SLC16A1: variants seen among roughly 807,000 people sequenced by gnomAD.
SLC16A1 encodes the protein solute carrier family 16 member 1, also known as monocarboxylate transporter 1.
A neutral mutation model predicts 32.2 loss-of-function variants in SLC16A1; 11 were observed. The observed-to-expected ratio is 0.34, with a 90% CI of 0.21 to 0.56. The LOEUF is 0.56. SLC16A1 is among the 20% of genes least tolerant of loss of function. The pLI, the probability that SLC16A1 is intolerant of heterozygous loss-of-function variation, is 0.87. For synonymous variants in SLC16A1, 231 were observed against 226.8 expected (o/e 1.02, Z -0.17); for missense variants, 435 against 615.0 (o/e 0.71, Z 3.10).
chr1:112,929,378 A>G lies in SLC16A1; in HGVS notation c.-44-26T>C. On this transcript the variant is annotated intron_variant, in intron 1 of 4. Transcript: ENST00000369626. ...CTGAAAGACATAAAATTAAAATAGTATGTCAATATAAGGCACACCTATAAA... is the reference window on the plus strand; with the variant it reads ...CTGAAAGACATAAAATTAAAATAGTGTGTCAATATAAGGCACACCTATAAA... The G allele has an allele frequency of 5.5e-6, 7 of 1,278,876 alleles. No individual in the cohort carries two copies. In the South Asian group the frequency reaches 6.2e-5, roughly 11 times the overall value. The allele number at this position is 1,278,876 out of a possible 1,614,324, so 79.2% of individuals were successfully genotyped here. A position where few individuals can be genotyped will look rare whatever the true frequency, so the allele number is the denominator to read the frequency against.
chr1:112,930,883 T>C (rs1649105195), intron 1 of SLC16A1, among the ~76,000 whole-genome samples: 1 of 152,120 alleles, frequency 6.6e-6, no homozygotes, highest in African/African-American at 2.4e-5. Context: ...CACCTTTGAC[T>C]GATTTTTGTA....
chr1:112,942,213 C>T (rs1165738691), intron 1 of SLC16A1, among the ~76,000 whole-genome samples: 1 of 152,098 alleles, frequency 6.6e-6, no homozygotes, highest in Non-Finnish European at 1.5e-5. Flanking sequence ...CTCAGGTGAT[C>T]AGCCTACCTC....
chr1:112,937,476 T>C (rs1160598799), intron 1 of SLC16A1, among the ~76,000 whole-genome samples: 1 of 152,256 alleles, frequency 6.6e-6, no homozygotes, highest in East Asian at 1.9e-4. Context: ...AACACAATTC[T>C]GCCACCACCT....
At chr1:112,916,456 C>G (rs1012689352) in intron 4 of SLC16A1, among the ~76,000 whole-genome samples, 1 of 142,938 alleles carries the variant, frequency 7.0e-6, no homozygotes, top group Admixed American at 7.0e-5. Context: ...CGAGATCGCG[C>G]CATTGCACTC....
At chr1:112,939,287 A>G (rs1320050329) in intron 1 of SLC16A1, among the ~76,000 whole-genome samples, 1 of 152,242 alleles carries the variant, frequency 6.6e-6, no homozygotes, top group Non-Finnish European at 1.5e-5. Context: ...GAGGGAATAT[A>G]AACTGGTGTA....
chr1:112,949,896 T>C (rs1295501678), intron 1 of SLC16A1, among the ~76,000 whole-genome samples: 2 of 152,182 alleles, frequency 1.3e-5, no homozygotes, highest in African/African-American at 4.8e-5. Flanking sequence ...CAAAATACTT[T>C]AATTGCAATT....
chr1:112,927,372 A>G, intron 2 of SLC16A1, among the ~76,000 whole-genome samples: 1 of 152,166 alleles, frequency 6.6e-6, no homozygotes, highest in Admixed American at 6.5e-5. Flanking sequence ...TTTAACAACC[A>G]TCACTGTATA....
chr1:112,931,644 CAAAAAAAAAAAA>C (rs561013159), intron 1 of SLC16A1, among the ~76,000 whole-genome samples: 2 of 62,028 alleles, frequency 3.2e-5, no homozygotes, highest in African/African-American at 5.9e-5. Context: ...TACTCTGTCT[CAAAAAAAAAAAA>C]AAAAAAAAAA....
intron 2 of SLC16A1, among the ~76,000 whole-genome samples, chr1:112,924,801 A>G (rs1648877789): frequency 6.6e-6 from 1 of 152,092 alleles, no homozygotes; most frequent in Admixed American, 6.6e-5. Flanking sequence ...GCGAAGAATC[A>G]CTTGAACCTG....
chr1:112,919,873 C>G (rs917652100), intron 3 of SLC16A1, among the ~76,000 whole-genome samples: 1 of 152,156 alleles, frequency 6.6e-6, no homozygotes, highest in African/African-American at 2.4e-5. Context: ...CAGTTCTTCC[C>G]TGTCACAACA....
chr1:112,919,633 A>G (rs1053916937), intron 3 of SLC16A1, among the ~76,000 whole-genome samples: 2 of 152,258 alleles, frequency 1.3e-5, no homozygotes, highest in Admixed American at 1.3e-4. Context: ...ATTTAATGTA[A>G]GATAAAGTAG....
Position 112,929,321 on chromosome 1 carries a change from T to C in SLC16A1, c.-13A>G, listed in dbSNP as rs200710280. The C allele has an allele frequency of 2.5e-6, 4 of 1,610,388 alleles. No homozygotes were observed. The highest frequency in any genetic ancestry group is 2.2e-5 in the East Asian group (1 of 44,860). ...CTGCTGGTGGCATTTTAAGTGTAGA[T>C]AAATTCCAAAATGCAGGTCAAATCC... On this transcript the variant is annotated 5_prime_UTR_variant, in exon 2 of 5. Coordinates refer to ENST00000369626, the MANE Select transcript of SLC16A1 (RefSeq NM_003051.4).
intron 1 of SLC16A1, among the ~76,000 whole-genome samples, chr1:112,939,042 C>T (rs1482485594): frequency 1.3e-5 from 2 of 151,926 alleles, no homozygotes; most frequent in African/African-American, 2.4e-5. Context: ...AGGCACACGC[C>T]ACCATGCCCA....
chr1:112,934,668 C>T (rs1649239436), intron 1 of SLC16A1, among the ~76,000 whole-genome samples: 1 of 151,580 alleles, frequency 6.6e-6, no homozygotes, highest in African/African-American at 2.4e-5. Flanking sequence ...GTTATCTAGA[C>T]GGTTAAAAGA....
chr1:112,932,368 C>T (rs1033354979), intron 1 of SLC16A1, among the ~76,000 whole-genome samples: 1 of 152,088 alleles, frequency 6.6e-6, no homozygotes, highest in Admixed American at 6.5e-5. Flanking sequence ...GACCCTACCT[C>T]TACATAAATT....
rs574990589 is a variant in SLC16A1, at chr1:112,917,817, G to A, written c.589C>T (p.Pro197Ser). 1.1e-5 allele frequency: 18 copies of A among 1,614,116 alleles called. No homozygotes were observed. In the Admixed American group the frequency reaches 1.2e-4, roughly 10 times the overall value. The change falls in exon 4 of 5, where the codon CCA becomes TCA. Residue 197 changes from proline to serine, a missense_variant. Transcript: ENST00000369626. The surrounding 1 kb of genome is among the most constrained non-coding windows in gnomAD (Gnocchi z 4.1). ...NCCVAGALMR[P>S]IGPKPTKAGK... ...GCCTTGGTTGGCTTGGGCCCGATTG[G>A]TCGCATGAGGGCTCCAGCAACACAG...
chr1:112,928,826 C>G (rs1375943446), intron 2 of SLC16A1, among the ~76,000 whole-genome samples: 1 of 152,134 alleles, frequency 6.6e-6, no homozygotes, highest in Non-Finnish European at 1.5e-5. Flanking sequence ...TTATAACAGT[C>G]TTTTAAACTC....
rs950534514 is a variant in SLC16A1, at chr1:112,912,682, C to T, written c.*1209G>A. On this transcript the variant is annotated 3_prime_UTR_variant, in exon 5 of 5. Coordinates refer to ENST00000369626, the MANE Select transcript of SLC16A1 (RefSeq NM_003051.4). ...GCACAACAATTTTCTGTAAGGCCTT[C>T]TCTGAAAAAAGAGAAGGAATTACTT... The T allele has an allele frequency of 6.6e-6, 1 of 151,890 alleles. No homozygotes were observed. The highest frequency in any genetic ancestry group is 1.5e-5 in the Non-Finnish European group (1 of 67,976). 9.4% of individuals were successfully genotyped at this position (151,890 alleles called of 1,614,324 possible).
chr1:112,932,165 A>AC (rs1393778557), intron 1 of SLC16A1, among the ~76,000 whole-genome samples: 1 of 152,222 alleles, frequency 6.6e-6, no homozygotes, highest in Non-Finnish European at 1.5e-5. Flanking sequence ...CCACTTATAC[A>AC]CAACATTCTA....
Sources: allele counts gnomAD v4.1 joint callset (sites outside exome capture counted in the v4.1 genomes callset), GRCh38; gene constraint gnomAD v4.1.1; non-coding constraint Gnocchi (gnomAD v3.1); transcripts MANE v1.5; gene names NCBI Gene and HGNC (gene_info 2026-07-23, HGNC 2026-07-21).